COG5: variants seen among roughly 807,000 people sequenced by gnomAD.
COG5 encodes component of oligomeric golgi complex 5, also known as conserved oligomeric Golgi complex subunit 5.
In COG5, 86 loss-of-function variants were observed where a neutral mutation model predicts 110.4. The ratio of observed to expected loss-of-function variants is 0.78; its 90% CI spans 0.65 to 0.93. The LOEUF is 0.93. Ranked by LOEUF, COG5 falls within the 40% of genes least tolerant of loss-of-function variation. The probability of loss-of-function intolerance (pLI) is 0.00; values close to 1 mark genes in which losing one functional copy is unlikely to be tolerated. For missense variants in COG5, 1,077 were observed against 987.0 expected (o/e 1.09, Z -1.22); for synonymous variants, 360 against 334.6 (o/e 1.08, Z -0.83).
chr7:107,489,910 A>G (rs1797882646), intron 6 of COG5, among the ~76,000 whole-genome samples: 1 of 152,166 alleles, frequency 6.6e-6, no homozygotes, highest in Non-Finnish European at 1.5e-5. Context: ...AAATGATAGC[A>G]TCTACCTCAC....
chr7:107,403,090 GA>G (rs1404070741), intron 7 of COG5, among the ~76,000 whole-genome samples: 2 of 152,044 alleles, frequency 1.3e-5, no homozygotes, highest in African/African-American at 2.4e-5. Context: ...AATTAACTAG[GA>G]AAAAATAGTG....
intron 18 of COG5, among the ~76,000 whole-genome samples, chr7:107,231,825 T>A (rs923850712): frequency 2.6e-5 from 3 of 115,612 alleles, no homozygotes; most frequent in African/African-American, 1.4e-4. Context: ...CTTCACTAAA[T>A]TCTCAAATTT....
intron 12 of COG5, among the ~76,000 whole-genome samples, chr7:107,291,777 A>C (rs188610273): frequency 1.5e-3 from 230 of 152,310 alleles, no homozygotes; most frequent in Middle Eastern, 3.4e-3. Flanking sequence ...CTCTGATTCC[A>C]GGAGGGGCTC....
intron 6 of COG5, among the ~76,000 whole-genome samples, chr7:107,441,200 G>C (rs1020679251): frequency 1.4e-5 from 2 of 143,462 alleles, no homozygotes; most frequent in Non-Finnish European, 3.0e-5. Context: ...AGGTTGCAGT[G>C]AGCCGAGATC....
intron 8 of COG5, among the ~76,000 whole-genome samples, chr7:107,371,208 C>T (rs984855159): frequency 6.6e-6 from 1 of 152,100 alleles, no homozygotes; most frequent in Admixed American, 6.6e-5. Flanking sequence ...CTCTTTAAGA[C>T]CTAAGATTCT....
rs557802302 is a variant in COG5 at position 107,205,612 on chromosome 7, A to G, written c.2376-1982T>C. Reference sequence around the variant, plus strand: ...TTTGGCCATACTGAATGTTTCAGTTAAAGAGCCACATTCTCTTAGCCCTTT... The same window carrying G: ...TTTGGCCATACTGAATGTTTCAGTTGAAGAGCCACATTCTCTTAGCCCTTT... On this transcript the variant is annotated intron_variant, in intron 21 of 21. Transcript: ENST00000297135. Among the ~76,000 whole-genome samples, 3 of 152,346 alleles carry G rather than the reference A, an allele frequency of 2.0e-5. No homozygotes were observed. The South Asian group carries it at 6.2e-4, about 32-fold the overall frequency.
rs1246490700 is a variant in COG5 at position 107,349,145 on chromosome 7, G to A, written c.1026+12888C>T. Among the ~76,000 whole-genome samples, 4 of 152,058 alleles carry A rather than the reference G, an allele frequency of 2.6e-5. No individual in the cohort carries two copies. The East Asian group carries it at 7.7e-4, about 29-fold the overall frequency. ...ATATTTTTAAACATATATCTTAACT[G>A]TACATTACCAATTTACAGAAGTACA... On this transcript the variant is annotated intron_variant, in intron 10 of 21. Transcript: ENST00000297135.
chr7:107,238,340 T>C (rs1801358784), intron 17 of COG5, among the ~76,000 whole-genome samples: 1 of 152,234 alleles, frequency 6.6e-6, no homozygotes, highest in African/African-American at 2.4e-5. Context: ...TTCTGAAGGC[T>C]GGATGGTATT....
intron 21 of COG5, among the ~76,000 whole-genome samples, chr7:107,207,344 AG>A (rs1399306604): frequency 6.6e-6 from 1 of 152,200 alleles, no homozygotes; most frequent in African/African-American, 2.4e-5. Context: ...AGAGGAGCTG[AG>A]GGAATGGCTT....
In COG5 at chr7:107,210,670, T is replaced by TG. The variant is rs1799100068; in HGVS notation, c.2296-66dup. Reference sequence around the variant, plus strand: ...TTCTTTAGTAAATGGCAGCAAGTGCTGGTTCGAAAAGCACTCTCAAGTATT... The same window carrying TG: ...TTCTTTAGTAAATGGCAGCAAGTGCTGGGTTCGAAAAGCACTCTCAAGTATT... On this transcript the variant is annotated intron_variant, in intron 20 of 21. Transcript: ENST00000297135. 3.3e-6 allele frequency: 5 copies of TG among 1,518,238 alleles called. No homozygotes were observed. The Middle Eastern group carries it at 6.8e-4, about 205-fold the overall frequency. The allele number at this position is 1,518,238 out of a possible 1,614,324, so 94.0% of individuals were successfully genotyped here. A position where few individuals can be genotyped will look rare whatever the true frequency, so the allele number is the denominator to read the frequency against.
At chr7:107,416,692 C>T (rs1584796860) in intron 6 of COG5, among the ~76,000 whole-genome samples, 1 of 151,980 alleles carries the variant, frequency 6.6e-6, no homozygotes, top group Admixed American at 6.6e-5. Context: ...TTCATATGTT[C>T]CCCCATCAAA....
chr7:107,456,926 C>T (rs1242441515), intron 6 of COG5, among the ~76,000 whole-genome samples: 1 of 152,188 alleles, frequency 6.6e-6, no homozygotes, highest in African/African-American at 2.4e-5. Flanking sequence ...TCTGAAGCTG[C>T]CCTAATATAG....
At chr7:107,218,563 T>C (rs539487076) in intron 19 of COG5, among the ~76,000 whole-genome samples, 51 of 152,198 alleles carry the variant, frequency 3.4e-4, no homozygotes, top group African/African-American at 9.1e-4. Flanking sequence ...TTACAGTCAA[T>C]TGATTTTCAA....
chr7:107,220,815 CTTTTTTTTTTT>C (rs1168926155), intron 19 of COG5, among the ~76,000 whole-genome samples: 12 of 123,932 alleles, frequency 9.7e-5, no homozygotes, highest in Admixed American at 9.0e-4. Flanking sequence ...CTCATGCCTT[CTTTTTTTTTTT>C]TTTTTTTTTT....
chr7:107,268,399 A>C (rs935683775), intron 14 of COG5, among the ~76,000 whole-genome samples: 1 of 152,258 alleles, frequency 6.6e-6, no homozygotes, highest in Non-Finnish European at 1.5e-5. Flanking sequence ...TAATGTTTAT[A>C]ATGTAAAACC....
intron 5 of COG5, among the ~76,000 whole-genome samples, chr7:107,532,565 A>T (rs1451362934): frequency 1.3e-5 from 2 of 152,182 alleles, no homozygotes; most frequent in East Asian, 3.8e-4. Flanking sequence ...GGTATATACT[A>T]TTTTTAAATG....
At position 107,563,825 on chromosome 7, in the gene COG5, T is replaced by C; in HGVS notation, c.72A>G (p.Thr24=). 6.2e-7 allele frequency: 1 copy of C among 1,613,826 alleles called. No homozygotes were observed. Among genetic ancestry groups the C allele is most frequent in the South Asian group, 1.1e-5 (1 of 91,076 alleles). The change falls in exon 1 of 22, where the codon ACA becomes ACG. Residue 24 remains threonine (T), a synonymous_variant. Coordinates refer to ENST00000297135, the MANE Select transcript of COG5 (RefSeq NM_006348.5). The part of the protein sequence containing the change: ...GARGSGAAAA[T]VRELLQDGCY... ...TACCGTCCTGCAGAAGTTCCCGGAC[T>C]GTAGCTGCAGCCGCTCCAGAGCCTC...
chr7:107,210,132 G>C (rs1383314269), intron 21 of COG5: 2 of 1,070,048 alleles, frequency 1.9e-6, no homozygotes, highest in Non-Finnish European at 1.1e-6. Context: ...TTCGCACTTG[G>C]GTATTTTTAA....
rs112203325 is a variant in COG5, at chr7:107,445,849, C to T, written c.539-33217G>A. Among the ~76,000 whole-genome samples the T allele has an allele frequency of 8.5e-5, 13 of 152,282 alleles. 3 individuals are homozygous for T. The highest frequency in any genetic ancestry group is 2.4e-4 in the African/African-American group (10 of 41,566). Reference sequence around the variant, plus strand: ...GCGCTAGGCACTATGCTACAAGACACACCAACAAACAAAAGAGACACTTAT... The same window carrying T: ...GCGCTAGGCACTATGCTACAAGACATACCAACAAACAAAAGAGACACTTAT... On this transcript the variant is annotated intron_variant, in intron 6 of 21. Transcript: ENST00000297135.
Sources: gnomAD v4.1 joint callset for allele counts (sites outside exome capture counted in the v4.1 genomes callset) on GRCh38, gnomAD v4.1.1 for gene constraint, MANE v1.5 for transcripts, NCBI Gene and HGNC (gene_info 2026-07-23, HGNC 2026-07-21) for gene names.